BCL11A: variants seen among roughly 807,000 people sequenced by gnomAD.
The protein encoded by BCL11A is B cell CLL/lymphoma 11A.
Under a neutral mutation model 55.9 loss-of-function variants are expected in BCL11A, and 2 were observed. The ratio of observed to expected loss-of-function variants is 0.04; its 90% CI spans 0.01 to 0.11. The LOEUF is 0.11. BCL11A is among the 10% of genes least tolerant of loss of function. The pLI, the probability that BCL11A is intolerant of heterozygous loss-of-function variation, is 1.00. For missense variants in BCL11A, 817 were observed against 1,137.1 expected (o/e 0.72, Z 4.05); for synonymous variants, 465 against 473.4 (o/e 0.98, Z 0.23).
chr2:60,510,742 A>C (rs369172652), intron 2 of BCL11A, among the ~76,000 whole-genome samples: 22 of 152,334 alleles, frequency 1.4e-4, no homozygotes, highest in African/African-American at 4.8e-4. Context: ...CCAAACTGCC[A>C]GGAGGCCACT....
Position 60,462,023 on chromosome 2 carries a change from A to T in BCL11A, c.889T>A (p.Phe297Ile). The change falls in exon 4 of 4, where the codon TTT becomes ATT. Residue 297 changes from phenylalanine (F) to isoleucine (I), a missense_variant. Transcript: ENST00000642384. ...GGATTCAACCGCAGCACCCTGTCAA[A>T]GGCACTCGGGTGATGGGTGGCCAGG... ...MALATHHPSA[F>I]DRVLRLNPMA... 6.2e-7 allele frequency: 1 copy of T among 1,611,908 alleles called. No individual in the cohort carries two copies. The highest frequency in any genetic ancestry group is 2.2e-5 in the East Asian group (1 of 44,808).
At chr2:60,551,079 C>T (rs1410242791) in intron 1 of BCL11A, among the ~76,000 whole-genome samples, 1 of 152,142 alleles carries the variant, frequency 6.6e-6, no homozygotes, top group Non-Finnish European at 1.5e-5. Flanking sequence ...TGCGCACCCC[C>T]CACCACCACC....
chr2:60,470,092 C>T (rs1389298268), intron 2 of BCL11A, among the ~76,000 whole-genome samples: 2 of 152,070 alleles, frequency 1.3e-5, no homozygotes, highest in Non-Finnish European at 2.9e-5. Flanking sequence ...TTTCCTTTCG[C>T]AAGGAGCCTG....
At chr2:60,501,211 TG>T (rs1679258908) in intron 2 of BCL11A, among the ~76,000 whole-genome samples, 1 of 152,250 alleles carries the variant, frequency 6.6e-6, no homozygotes, top group African/African-American at 2.4e-5. Context: ...TTTGATTCAA[TG>T]GCAGCCAATT....
Position 60,459,071 on chromosome 2 carries a change from T to C in BCL11A, c.*1333A>G, listed in dbSNP as rs1021596001. On this transcript the variant is annotated 3_prime_UTR_variant, in exon 4 of 4. Transcript: ENST00000642384. ...ATAGTTAATCATCATTGTATCAATATTAGCTTATATACCTGTTCTAGTTTT... is the reference window on the plus strand; with the variant it reads ...ATAGTTAATCATCATTGTATCAATACTAGCTTATATACCTGTTCTAGTTTT... The C allele has an allele frequency of 1.6e-5, 16 of 1,014,146 alleles. No individual in the cohort carries two copies. Among genetic ancestry groups the C allele is most frequent in the Non-Finnish European group, 1.9e-5 (16 of 843,300 alleles). The allele number at this position is 1,014,146 out of a possible 1,614,324, so 62.8% of individuals were successfully genotyped here.
chr2:60,479,805 C>T (rs545040519), intron 2 of BCL11A, among the ~76,000 whole-genome samples: 1 of 152,330 alleles, frequency 6.6e-6, no homozygotes, highest in African/African-American at 2.4e-5. Context: ...CAGGCTCAAA[C>T]CTGGCATGTA....
Position 60,457,375 on chromosome 2 carries a change from A to T in BCL11A, c.*3029T>A, listed in dbSNP as rs1572943851. 2.9e-6 allele frequency: 3 copies of T among 1,023,872 alleles called. No homozygotes were observed. The highest frequency in any genetic ancestry group is 3.5e-6 in the Non-Finnish European group (3 of 851,010). The allele number at this position is 1,023,872 out of a possible 1,614,324, so 63.4% of individuals were successfully genotyped here. On this transcript the variant is annotated 3_prime_UTR_variant, in exon 4 of 4. Transcript: ENST00000642384. Reference sequence around the variant, plus strand: ...CCTTTGGTCATCTAAATAAAAAAAAAAATAAAAACAAAGAAAAATAAAAGA... The same window carrying T: ...CCTTTGGTCATCTAAATAAAAAAAATAATAAAAACAAAGAAAAATAAAAGA...
At position 60,460,972 on chromosome 2, in the gene BCL11A, G is replaced by T; in HGVS notation, c.1940C>A (p.Ala647Asp). ...CACGTTCTCCGTGTTGGGCATCGCG[G>T]CCGGGGGCAGGTCGAACTCCTTCTC... ...KLEKEFDLPP[A>D]AMPNTENVYS... The change falls in exon 4 of 4, where the codon GCC becomes GAC. Residue 647 changes from alanine (A) to aspartate (D), a missense_variant. Physicochemically the swap from Ala to Asp is moderately radical, Grantham distance 126 (BLOSUM62 -2). Coordinates refer to ENST00000642384, the MANE Select transcript of BCL11A (RefSeq NM_022893.4). 1 of 1,610,326 alleles carries T rather than the reference G, an allele frequency of 6.2e-7. No individual in the cohort carries two copies.
At chr2:60,450,721 G>C (rs1217042716), downstream of BCL11A, 3 of 152,232 alleles carry the variant, frequency 2.0e-5, no homozygotes, top group African/African-American at 7.2e-5. Context: ...GTCACAAACA[G>C]GCCACTCGTG....
chr2:60,547,033 G>A (rs957878376), intron 1 of BCL11A, among the ~76,000 whole-genome samples: 5 of 152,152 alleles, frequency 3.3e-5, no homozygotes, highest in African/African-American at 1.2e-4. Flanking sequence ...CAAATGCACG[G>A]GCAGTATTTC....
At position 60,457,635 on chromosome 2, in the gene BCL11A, T is replaced by C. The variant is rs1220907325; in HGVS notation, c.*2769A>G. ...TCCAATCTAAATATAAAGCACCATT[T>C]AGTTTTTGGCAATGAAAAAAACTGC... is the stretch of plus-strand genomic sequence containing the variant. On this transcript the variant is annotated 3_prime_UTR_variant, in exon 4 of 4. Coordinates refer to ENST00000642384, the MANE Select transcript of BCL11A (RefSeq NM_022893.4). 1 of 1,043,272 alleles carries C rather than the reference T, an allele frequency of 9.6e-7. No individual in the cohort carries two copies. The highest frequency in any genetic ancestry group is 1.7e-5 in the African/African-American group (1 of 59,794). The allele number at this position is 1,043,272 out of a possible 1,614,324, so 64.6% of individuals were successfully genotyped here.
At chr2:60,548,168 G>C (rs1165519360) in intron 1 of BCL11A, among the ~76,000 whole-genome samples, 1 of 152,082 alleles carries the variant, frequency 6.6e-6, no homozygotes, top group East Asian at 1.9e-4. Flanking sequence ...CTGAATTAAG[G>C]ATTTTAAGTA....
chr2:60,462,550 C>CCG, intron 3 of BCL11A, 126 bp from the exon 4 acceptor site: 1 of 1,436,836 alleles, frequency 7.0e-7, no homozygotes, highest in Admixed American at 2.9e-5. Flanking sequence ...TAAGCCCTCA[C>CCG]TGACCTACCC....
chr2:60,543,829 A>G (rs1351673804), intron 2 of BCL11A: 1 of 152,218 alleles, frequency 6.6e-6, no homozygotes, highest in Non-Finnish European at 1.5e-5. Flanking sequence ...CATCTTAGAG[A>G]GCTTTTCGTC....
At position 60,460,277 on chromosome 2, in the gene BCL11A, T is replaced by C; in HGVS notation, c.*127A>G. On this transcript the variant is annotated 3_prime_UTR_variant, in exon 4 of 4. Coordinates refer to ENST00000642384, the MANE Select transcript of BCL11A (RefSeq NM_022893.4). The stretch of plus-strand genomic sequence containing the variant: ...AGCTTCGTTACTTCTGTTTGTTTGT[T>C]TGTTTGTTTAAATCACATGGGACTA... The C allele has an allele frequency of 1.4e-6, 2 of 1,443,134 alleles. No homozygotes were observed. Among genetic ancestry groups the C allele is most frequent in the East Asian group, 4.8e-5 (2 of 41,320 alleles). 89.4% of individuals were successfully genotyped at this position (1,443,134 alleles called of 1,614,324 possible). A position where few individuals can be genotyped will look rare whatever the true frequency, so the allele number is the denominator to read the frequency against.
chr2:60,462,302 C>T lies in BCL11A; in HGVS notation c.610G>A (p.Gly204Arg), dbSNP rs779207367. Residue 204 changes from glycine (G) to arginine (R), a missense_variant, in exon 4 of 4, where the codon GGA becomes AGA. Around this residue, in one of 4 missense-constraint regions of BCL11A, gnomAD observed 363 missense variants for 486.6 expected, o/e 0.75. Coordinates refer to ENST00000642384, the MANE Select transcript of BCL11A (RefSeq NM_022893.4). ...GLRIYLESEH[G>R]SPLTPRVGIP... ...CCAACCCGCGGGGTCAGGGGACTTC[C>T]GTGTTCGCTTTCTAAGTAGATTCTT... 2 of 1,614,020 alleles carry T rather than the reference C, an allele frequency of 1.2e-6. No homozygotes were observed. Among genetic ancestry groups the T allele is most frequent in the Non-Finnish European group, 1.7e-6 (2 of 1,179,996 alleles).
At chr2:60,473,154 G>A (rs955805046) in intron 2 of BCL11A, among the ~76,000 whole-genome samples, 3 of 152,020 alleles carry the variant, frequency 2.0e-5, no homozygotes, top group South Asian at 4.1e-4. Context: ...TCATGTGTGT[G>A]TATATGTGAG....
At chr2:60,506,647 C>T (rs184285419) in intron 2 of BCL11A, among the ~76,000 whole-genome samples, 86 of 152,346 alleles carry the variant, frequency 5.6e-4, no homozygotes, top group Non-Finnish European at 1.1e-3. Context: ...ACTAAGAAAA[C>T]GACCGTGCCC....
In BCL11A at chr2:60,460,051, T is replaced by A. The variant is rs1572947599; in HGVS notation, c.*353A>T. The stretch of plus-strand genomic sequence containing the variant: ...ACATACCATACATGCTGTCTAAGTT[T>A]AAAAAAAAACATACACAACATGTAA... On this transcript the variant is annotated 3_prime_UTR_variant, in exon 4 of 4. Transcript: ENST00000642384. The A allele has an allele frequency of 2.8e-6, 3 of 1,081,342 alleles. No homozygotes were observed. The highest frequency in any genetic ancestry group is 4.9e-5 in the East Asian group (1 of 20,504). 67.0% of individuals were successfully genotyped at this position (1,081,342 alleles called of 1,614,324 possible). A position where few individuals can be genotyped will look rare whatever the true frequency, so the allele number is the denominator to read the frequency against.
Sources: allele counts gnomAD v4.1 joint callset (sites outside exome capture counted in the v4.1 genomes callset), GRCh38; gene constraint gnomAD v4.1.1; regional missense constraint gnomAD v4.1.1; transcripts MANE v1.5; gene names NCBI Gene and HGNC (gene_info 2026-07-23, HGNC 2026-07-21).